The following PAX3 variants were observed in gnomAD, a reference collection of about 807,000 sequenced individuals.
PAX3 encodes paired box protein Pax-3.
Under a neutral mutation model 51.6 loss-of-function variants are expected in PAX3, and 14 were observed. That is an observed-to-expected ratio of 0.27 (90% CI 0.18 to 0.42). The LOEUF (loss-of-function observed/expected upper bound fraction) is 0.42. Ranked by LOEUF, PAX3 falls within the 10% of genes least tolerant of loss-of-function variation. PAX3 has a pLI of 1.00. For synonymous variants in PAX3, 280 were observed against 253.4 expected (o/e 1.11, Z -1.00); for missense variants, 540 against 642.8 (o/e 0.84, Z 1.73).
intron 6 of PAX3, among the ~76,000 whole-genome samples, chr2:222,220,985 A>C (rs1245486122): frequency 6.6e-6 from 1 of 152,234 alleles, no homozygotes; most frequent in Non-Finnish European, 1.5e-5. Flanking sequence ...TGGGAAGGTT[A>C]ATTTGTTTTA....
At chr2:222,294,642 T>G (rs892301375) in intron 3 of PAX3, among the ~76,000 whole-genome samples, 3 of 151,746 alleles carry the variant, frequency 2.0e-5, no homozygotes, top group South Asian at 2.1e-4. Flanking sequence ...GCTCTAGGTC[T>G]GCAATCTAAG....
chr2:222,284,956 A>G lies in PAX3; in HGVS notation c.586+9211T>C, dbSNP rs558079619. ...AAAATTGGTGATGCAAGAACAGACC[A>G]CTTTCACCTTGGGTACTGTGTTTTT... On this transcript the variant is annotated intron_variant, in intron 4 of 8. Coordinates refer to ENST00000392070, the MANE Select transcript of PAX3 (RefSeq NM_181458.4). Among the ~76,000 whole-genome samples the G allele has an allele frequency of 9.8e-5, 15 of 152,302 alleles. No individual in the cohort carries two copies. The South Asian group carries it at 3.1e-3, about 32-fold the overall frequency.
chr2:222,206,473 T>C (rs759292204), intron 7 of PAX3, among the ~76,000 whole-genome samples: 16 of 152,208 alleles, frequency 1.1e-4, no homozygotes, highest in Non-Finnish European at 2.1e-4. Flanking sequence ...AATTGTTCTT[T>C]GAACAGCCTT....
intron 5 of PAX3, 144 bp downstream of exon 5, chr2:222,231,934 T>C: frequency 1.3e-6 from 1 of 752,902 alleles, no homozygotes; most frequent in Non-Finnish European, 2.4e-6. Flanking sequence ...CAGTAAATAA[T>C]CAAAGTCCTA....
At chr2:222,226,810 A>G (rs1325434610) in intron 5 of PAX3, among the ~76,000 whole-genome samples, 2 of 151,458 alleles carry the variant, frequency 1.3e-5, no homozygotes, top group African/African-American at 4.8e-5. Context: ...TACTGATGCT[A>G]TAAGGGTCCT....
At chr2:222,285,034 A>G (rs1694784855) in intron 4 of PAX3, among the ~76,000 whole-genome samples, 1 of 152,258 alleles carries the variant, frequency 6.6e-6, no homozygotes, top group Non-Finnish European at 1.5e-5. Flanking sequence ...TAAATCAAAC[A>G]AGACAAAAAG....
At chr2:222,230,711 C>T (rs535239553) in intron 5 of PAX3, among the ~76,000 whole-genome samples, 9 of 151,682 alleles carry the variant, frequency 5.9e-5, no homozygotes, top group Admixed American at 2.6e-4. Flanking sequence ...AAAAATGAGC[C>T]GGGCCTGGTG....
At chr2:222,273,340 C>T (rs1188088247) in intron 4 of PAX3, among the ~76,000 whole-genome samples, 2 of 152,146 alleles carry the variant, frequency 1.3e-5, no homozygotes, top group Non-Finnish European at 2.9e-5. Flanking sequence ...TGTGTGCACA[C>T]GCCTGTGTGT....
chr2:222,245,086 T>G (rs941215816), intron 4 of PAX3, among the ~76,000 whole-genome samples: 1 of 152,136 alleles, frequency 6.6e-6, no homozygotes, highest in Admixed American at 6.5e-5. Flanking sequence ...AGGCAGAGTT[T>G]GCAGTGAGCT....
Position 222,297,207 on chromosome 2 carries a change from G to C in PAX3, c.92C>G (p.Thr31Ser), listed in dbSNP as rs762389938. 6.4e-6 allele frequency: 10 copies of C among 1,572,846 alleles called. No homozygotes were observed. The East Asian group carries it at 2.1e-4, about 33-fold the overall frequency. Residue 31 changes from threonine (T) to serine (S), a missense_variant, in exon 2 of 9, where the codon ACT (threonine) becomes AGT (serine). Physicochemically the swap from Thr to Ser is moderately conservative, Grantham distance 58 (BLOSUM62 1). Coordinates refer to ENST00000392070, the MANE Select transcript of PAX3 (RefSeq NM_181458.4). ...PRSGFPLEVS[T>S]PLGQGRVNQL... ...GTTGACGCGGCCCTGGCCGAGGGGA[G>C]TGGACACTGTGGGAAGGTGAAAAAG...
At chr2:222,272,750 A>G (rs1694296802) in intron 4 of PAX3, among the ~76,000 whole-genome samples, 1 of 152,144 alleles carries the variant, frequency 6.6e-6, no homozygotes, top group Non-Finnish European at 1.5e-5. Context: ...TTCCTCTTTC[A>G]TGTTTTGTCA....
intron 7 of PAX3, among the ~76,000 whole-genome samples, chr2:222,216,195 G>A (rs946912645): frequency 2.0e-5 from 3 of 152,164 alleles, no homozygotes; most frequent in Non-Finnish European, 1.5e-5. Flanking sequence ...ACTAAAATGT[G>A]TAATTTGTGT....
intron 4 of PAX3, among the ~76,000 whole-genome samples, chr2:222,276,888 T>C (rs954795164): frequency 6.6e-6 from 1 of 152,158 alleles, no homozygotes; most frequent in Admixed American, 6.5e-5. Flanking sequence ...GTAAGAACCA[T>C]ATGGGTAAAT....
chr2:222,268,935 GT>G (rs1694153379), intron 4 of PAX3, among the ~76,000 whole-genome samples: 1 of 152,080 alleles, frequency 6.6e-6, no homozygotes, highest in Non-Finnish European at 1.5e-5. Context: ...ACTCCTTTAT[GT>G]ATATATGTTG....
intron 4 of PAX3, among the ~76,000 whole-genome samples, chr2:222,283,839 G>A (rs1010413695): frequency 3.9e-5 from 6 of 152,234 alleles, no homozygotes; most frequent in Admixed American, 1.3e-4. Flanking sequence ...CAGTGCATGC[G>A]GGGATAAGAA....
intron 4 of PAX3, among the ~76,000 whole-genome samples, chr2:222,251,577 C>A (rs1693434655): frequency 1.3e-5 from 2 of 152,160 alleles, no homozygotes; most frequent in Admixed American, 6.5e-5. Flanking sequence ...CATACATGTG[C>A]ATGTGTCTTT....
intron 4 of PAX3, among the ~76,000 whole-genome samples, chr2:222,243,196 C>G (rs1335723217): frequency 6.6e-6 from 1 of 152,178 alleles, no homozygotes; most frequent in East Asian, 1.9e-4. Context: ...AAATACTACA[C>G]TTTTTGTGCC....
At chr2:222,257,484 C>T (rs1332070148) in intron 4 of PAX3, among the ~76,000 whole-genome samples, 2 of 152,104 alleles carry the variant, frequency 1.3e-5, no homozygotes. Flanking sequence ...GCTGTTTTGC[C>T]ATGCTAATTA....
intron 4 of PAX3, among the ~76,000 whole-genome samples, chr2:222,250,992 C>A (rs1549772): frequency 0.12 from 18,432 of 152,258 alleles, 1,417 homozygotes; most frequent in Middle Eastern, 0.25. Context: ...AAAGAATTAT[C>A]TCCCCCAACA....
Sources: allele counts gnomAD v4.1 joint callset (sites outside exome capture counted in the v4.1 genomes callset), GRCh38; gene constraint gnomAD v4.1.1; transcripts MANE v1.5; gene names NCBI Gene and HGNC (gene_info 2026-07-23, HGNC 2026-07-21).